ERP44: variants seen among roughly 807,000 people sequenced by gnomAD.
ERP44 encodes endoplasmic reticulum protein 44, also known as endoplasmic reticulum resident protein 44.
A neutral mutation model predicts 53.4 loss-of-function variants in ERP44; 25 were observed. That is an observed-to-expected ratio of 0.47 (90% CI 0.34 to 0.65). ERP44 has a LOEUF of 0.65. Among genes scored for constraint, ERP44 ranks in the 30% least tolerant of loss-of-function variants. The pLI is 0.01. For missense variants in ERP44, 338 were observed against 493.2 expected (o/e 0.69, Z 2.98); for synonymous variants, 145 against 161.2 (o/e 0.90, Z 0.76).
intron 3 of ERP44, among the ~76,000 whole-genome samples, chr9:100,054,408 C>G (rs2118710278): frequency 6.6e-6 from 1 of 152,204 alleles, no homozygotes; most frequent in Admixed American, 6.5e-5. Context: ...GCGGGCAAGC[C>G]TCTTTATGGC....
intron 4 of ERP44, among the ~76,000 whole-genome samples, chr9:100,044,926 T>C (rs544479231): frequency 1.3e-5 from 2 of 152,298 alleles, no homozygotes; most frequent in African/African-American, 4.8e-5. Flanking sequence ...TAAGTTGTTT[T>C]TATTCAGAAA....
chr9:100,092,959 A>C (rs1424025858), intron 1 of ERP44, among the ~76,000 whole-genome samples: 1 of 152,218 alleles, frequency 6.6e-6, no homozygotes, highest in African/African-American at 2.4e-5. Context: ...TTCTAAATAT[A>C]AGACACACCA....
intron 8 of ERP44, among the ~76,000 whole-genome samples, chr9:100,015,808 T>TA (rs1830520473): frequency 1.3e-5 from 2 of 152,160 alleles, no homozygotes; most frequent in Admixed American, 1.3e-4. Context: ...AGGCATTAGT[T>TA]AGATTCTCAT....
Position 100,082,895 on chromosome 9 carries a change from C to T in ERP44, c.57+15889G>A, listed in dbSNP as rs140749091. Among the ~76,000 whole-genome samples, 1,459 of 152,122 alleles carry T rather than the reference C, an allele frequency of 9.6e-3. 13 individuals carry two copies. The highest frequency in any genetic ancestry group is 0.016 in the Non-Finnish European group (1,105 of 67,986). On this transcript the variant is annotated intron_variant, in intron 1 of 11. Transcript: ENST00000262455. ...AATAAATATAAAGATTTACATATTT[C>T]CAATGAAACCACAAAAGTAGCCAAA...
At position 100,022,072 on chromosome 9, in the gene ERP44, A is replaced by C; in HGVS notation, c.441T>G (p.Ile147Met). ...GAGTGGTGATTTCTGCTAAGTCCCG[A>C]ATTTCTTGAATGGGGTCACTTTTTT... ...RQQKSDPIQE[I>M]RDLAEITTLD... is the part of the protein sequence containing the mutation. Residue 147 changes from isoleucine to methionine, a missense_variant, in exon 5 of 12, where the codon ATT (isoleucine) becomes ATG (methionine). Around this residue, in one of 3 missense-constraint regions of ERP44, gnomAD observed 224 missense variants for 301.4 expected, o/e 0.74. Coordinates refer to ENST00000262455, the MANE Select transcript of ERP44 (RefSeq NM_015051.3). 4.3e-6 allele frequency: 7 copies of C among 1,613,730 alleles called. No homozygotes were observed. Among genetic ancestry groups the C allele is most frequent in the Non-Finnish European group, 5.9e-6 (7 of 1,179,858 alleles).
intron 4 of ERP44, among the ~76,000 whole-genome samples, chr9:100,045,692 A>T (rs369608837): frequency 3.2e-4 from 48 of 152,162 alleles, no homozygotes; most frequent in African/African-American, 1.0e-3. Flanking sequence ...AGGCAGACAG[A>T]CTAAAGTACT....
Position 99,981,830 on chromosome 9 carries a change from G to A in ERP44, c.*782C>T, listed in dbSNP as rs1773151649. The A allele has an allele frequency of 6.6e-6, 1 of 152,100 alleles. No homozygotes were observed. The highest frequency in any genetic ancestry group is 1.5e-5 in the Non-Finnish European group (1 of 68,018). The allele number at this position is 152,100 out of a possible 1,614,324, so 9.4% of individuals were successfully genotyped here. ...GGAAATTGAAGTCTCATAATAGGAG[G>A]AGCCTTAAAAGTCATCTAGTTCTGA... On this transcript the variant is annotated 3_prime_UTR_variant, in exon 12 of 12. Coordinates refer to ENST00000262455, the MANE Select transcript of ERP44 (RefSeq NM_015051.3).
chr9:100,089,607 A>G (rs1826527155), intron 1 of ERP44, among the ~76,000 whole-genome samples: 1 of 149,358 alleles, frequency 6.7e-6, no homozygotes, highest in Non-Finnish European at 1.5e-5. Flanking sequence ...AAAAAAAGAT[A>G]TGCCAAAGAG....
chr9:99,984,086 C>G (rs556528534), intron 11 of ERP44, among the ~76,000 whole-genome samples: 1 of 152,200 alleles, frequency 6.6e-6, no homozygotes, highest in South Asian at 2.1e-4. Flanking sequence ...AAAATCTGAC[C>G]TAATTTTTAA....
At chr9:100,016,084 A>C (rs766859406) in intron 8 of ERP44, among the ~76,000 whole-genome samples, 1 of 152,238 alleles carries the variant, frequency 6.6e-6, no homozygotes, top group African/African-American at 2.4e-5. Flanking sequence ...GGCATTTTCA[A>C]ACTCATTTTG....
rs116860564 is a variant in ERP44 at position 100,027,756 on chromosome 9, G to A, written c.287-5530C>T. The stretch of plus-strand genomic sequence containing the variant: ...ATTGCCTCATACTCGTTTCAGCAAC[G>A]TCTCTCCCTGCAATGGTTATCCATG... On this transcript the variant is annotated intron_variant, in intron 4 of 11. Transcript: ENST00000262455. Among the ~76,000 whole-genome samples the A allele has an allele frequency of 2.9e-3, 437 of 152,190 alleles. 1 individual carries two copies. Among genetic ancestry groups the A allele is most frequent in the Non-Finnish European group, 5.1e-3 (350 of 67,996 alleles).
intron 10 of ERP44, among the ~76,000 whole-genome samples, chr9:100,003,899 C>A (rs999691388): frequency 2.0e-5 from 3 of 152,120 alleles, no homozygotes; most frequent in Non-Finnish European, 4.4e-5. Flanking sequence ...TGGCCTAGAA[C>A]CAGGGCCTAC....
chr9:100,063,632 C>T (rs1163896191), intron 1 of ERP44, among the ~76,000 whole-genome samples: 1 of 151,772 alleles, frequency 6.6e-6, no homozygotes, highest in Non-Finnish European at 1.5e-5. Context: ...TTTAAATTTA[C>T]GTTAAAAACA....
chr9:100,010,258 A>G (rs1482331342), intron 8 of ERP44, among the ~76,000 whole-genome samples: 4 of 152,268 alleles, frequency 2.6e-5, no homozygotes, highest in African/African-American at 9.6e-5. Context: ...GGAGAAGAAT[A>G]TCAAGACAAC....
At chr9:100,042,210 A>G (rs1311679890) in intron 4 of ERP44, among the ~76,000 whole-genome samples, 1 of 152,252 alleles carries the variant, frequency 6.6e-6, no homozygotes, top group Non-Finnish European at 1.5e-5. Context: ...ACAACTCTAT[A>G]CTCAAAAATG....
At chr9:99,992,177 A>C (rs1046036338) in intron 10 of ERP44, among the ~76,000 whole-genome samples, 1 of 152,254 alleles carries the variant, frequency 6.6e-6, no homozygotes, top group African/African-American at 2.4e-5. Context: ...TGAGGCCAGC[A>C]TCATCCTGAT....
chr9:100,085,228 C>A (rs1826467671), intron 1 of ERP44, among the ~76,000 whole-genome samples: 1 of 152,188 alleles, frequency 6.6e-6, no homozygotes, highest in African/African-American at 2.4e-5. Flanking sequence ...TTAACCAACT[C>A]TCCATCTTTC....
chr9:100,041,893 C>CA (rs1408296335), intron 4 of ERP44, among the ~76,000 whole-genome samples: 2 of 152,088 alleles, frequency 1.3e-5, no homozygotes, highest in African/African-American at 2.4e-5. Context: ...TTGCCATACA[C>CA]AAAAAATCAA....
chr9:100,082,542 T>G (rs1181488833), intron 1 of ERP44, among the ~76,000 whole-genome samples: 1 of 152,020 alleles, frequency 6.6e-6, no homozygotes, highest in Non-Finnish European at 1.5e-5. Context: ...AAAAAACATA[T>G]ACAGTCGTCC....
Sources: allele counts gnomAD v4.1 joint callset (sites outside exome capture counted in the v4.1 genomes callset), GRCh38; gene constraint gnomAD v4.1.1; regional missense constraint gnomAD v4.1.1; transcripts MANE v1.5; gene names NCBI Gene and HGNC (gene_info 2026-07-23, HGNC 2026-07-21).